The following CRACR2A variants were observed in gnomAD, a reference collection of about 807,000 sequenced individuals.
The protein encoded by CRACR2A is EF-hand calcium-binding domain-containing protein 4B.
Under a neutral mutation model 90.5 loss-of-function variants are expected in CRACR2A, and 79 were observed. The observed-to-expected ratio is 0.87, with a 90% CI of 0.73 to 1.05. CRACR2A has a LOEUF of 1.05. Among genes scored for constraint, CRACR2A ranks in the 50% least tolerant of loss-of-function variants. The probability of loss-of-function intolerance (pLI) is 0.00; values close to 1 mark genes in which losing one functional copy is unlikely to be tolerated. For missense variants in CRACR2A, 823 were observed against 897.2 expected (o/e 0.92, Z 1.06); for synonymous variants, 338 against 356.7 (o/e 0.95, Z 0.59).
chr12:3,645,668 T>C (rs1046539722), intron 11 of CRACR2A, among the ~76,000 whole-genome samples: 1 of 152,190 alleles, frequency 6.6e-6, no homozygotes, highest in African/African-American at 2.4e-5. Flanking sequence ...ATTGGCAACC[T>C]GGGTAAGAAC....
intron 2 of CRACR2A, among the ~76,000 whole-genome samples, chr12:3,723,466 G>C (rs565098141): frequency 6.6e-6 from 1 of 152,228 alleles, no homozygotes; most frequent in African/African-American, 2.4e-5. Context: ...TGGAAACTGT[G>C]TGTGTTTGCA....
At chr12:3,659,279 G>A (rs1944978081) in intron 8 of CRACR2A, among the ~76,000 whole-genome samples, 1 of 152,222 alleles carries the variant, frequency 6.6e-6, no homozygotes, top group African/African-American at 2.4e-5. Context: ...CACCTAGTAT[G>A]TTCCAGGCAT....
chr12:3,640,910 GT>G, intron 13 of CRACR2A: 1 of 1,022,252 alleles, frequency 9.8e-7, no homozygotes, highest in South Asian at 1.6e-5. Context: ...AATGTGTTAT[GT>G]TTGAGTTAAT....
intron 2 of CRACR2A, among the ~76,000 whole-genome samples, chr12:3,720,603 C>T (rs939664111): frequency 5.9e-5 from 9 of 152,216 alleles, no homozygotes; most frequent in Admixed American, 2.6e-4. Context: ...CATTCTCTCT[C>T]GTGTGCTCTG....
chr12:3,622,407 C>G (rs1018790841), intron 17 of CRACR2A, among the ~76,000 whole-genome samples: 16 of 152,228 alleles, frequency 1.1e-4, no homozygotes, highest in African/African-American at 3.9e-4. Context: ...GTTCCAAAGC[C>G]AGGTTCTGTT....
At chr12:3,715,586 A>G (rs1183308410) in intron 2 of CRACR2A, among the ~76,000 whole-genome samples, 1 of 152,242 alleles carries the variant, frequency 6.6e-6, no homozygotes, top group Non-Finnish European at 1.5e-5. Flanking sequence ...AAGTCCACAT[A>G]TGATTGTCAC....
chr12:3,733,970 C>CTTTTTTT lies in CRACR2A; in HGVS notation c.-386-761_-386-760insAAAAAAA, dbSNP rs1555121368. On this transcript the variant is annotated intron_variant, in intron 1 of 19. Transcript: ENST00000440314. ...TTTTCCTAGACTGGACACATTTTGC[C>CTTTTTTT]TTATTTTTTTTTTTTTTTGAGATGG... is the stretch of plus-strand genomic sequence containing the variant. Among the ~76,000 whole-genome samples the CTTTTTTT allele has an allele frequency of 9.0e-4, 50 of 55,602 alleles. 1 individual carries two copies. The highest frequency in any genetic ancestry group is 1.6e-3 in the Admixed American group (7 of 4,436). 36.5% of individuals were successfully genotyped at this position (55,602 alleles called of 152,430 possible).
intron 4 of CRACR2A, among the ~76,000 whole-genome samples, chr12:3,693,136 A>T (rs982606007): frequency 2.0e-5 from 3 of 152,206 alleles, no homozygotes; most frequent in African/African-American, 7.2e-5. Flanking sequence ...CTGCACACAC[A>T]TGCACCGGCA....
chr12:3,627,053 A>G (rs1253777571), intron 17 of CRACR2A, among the ~76,000 whole-genome samples: 1 of 152,116 alleles, frequency 6.6e-6, no homozygotes, highest in Non-Finnish European at 1.5e-5. Context: ...GGTGAGAATG[A>G]GGGAAGAATC....
chr12:3,708,720 C>T (rs909363967), intron 3 of CRACR2A, among the ~76,000 whole-genome samples: 4 of 152,210 alleles, frequency 2.6e-5, no homozygotes, highest in Non-Finnish European at 5.9e-5. Context: ...CCATCATGCC[C>T]GGCCAGCATT....
intron 3 of CRACR2A, among the ~76,000 whole-genome samples, chr12:3,705,848 A>G (rs757937622): frequency 6.6e-6 from 1 of 152,144 alleles, no homozygotes; most frequent in Non-Finnish European, 1.5e-5. Context: ...AGACACTACA[A>G]TATTTAACAA....
rs1591706103 is a variant in CRACR2A, at chr12:3,713,257, G to A, written c.-57C>T. ...CTCACCTTGCAGCTCCCGGCTCCTC[G>A]GAGGACCTGCAACTCTTCACACCTG... On this transcript the variant is annotated 5_prime_UTR_variant, in exon 3 of 20. The change creates a premature stop within an existing upstream ORF in the 5' untranslated region. Transcript: ENST00000440314. The A allele has an allele frequency of 1.6e-5, 16 of 985,262 alleles. No individual in the cohort carries two copies. The highest frequency in any genetic ancestry group is 5.2e-4 in the Middle Eastern group (1 of 1,916). The allele number at this position is 985,262 out of a possible 1,614,324, so 61.0% of individuals were successfully genotyped here. A position where few individuals can be genotyped will look rare whatever the true frequency, so the allele number is the denominator to read the frequency against.
chr12:3,621,524 C>G (rs866859052), intron 17 of CRACR2A, among the ~76,000 whole-genome samples: 5 of 149,426 alleles, frequency 3.3e-5, no homozygotes, highest in Non-Finnish European at 1.5e-5. Flanking sequence ...TGGTGGTGGG[C>G]ACCTGTAGTC....
chr12:3,669,424 T>G (rs75281385), intron 7 of CRACR2A, among the ~76,000 whole-genome samples: 2 of 152,204 alleles, frequency 1.3e-5, no homozygotes, highest in African/African-American at 2.4e-5. Context: ...CCTCCGCACA[T>G]CTGCACTGTG....
intron 10 of CRACR2A, 74 bp downstream of exon 10, chr12:3,654,138 G>A: frequency 6.5e-7 from 1 of 1,540,764 alleles, no homozygotes; most frequent in Admixed American, 2.1e-5. Flanking sequence ...GGGTCTCTGA[G>A]CGGCGAGGGG....
Position 3,711,759 on chromosome 12 carries a change from C to T in CRACR2A, c.-37+1478G>A, listed in dbSNP as rs1364214568. Reference sequence around the variant, plus strand: ...CTGTCTATTACCCATTCCACAGCCACATCCACATTTTTAGGTATTTATTAC... The same window carrying T: ...CTGTCTATTACCCATTCCACAGCCATATCCACATTTTTAGGTATTTATTAC... On this transcript the variant is annotated intron_variant, in intron 3 of 19. Coordinates refer to ENST00000440314, the MANE Select transcript of CRACR2A (RefSeq NM_001144958.2). This position sits in a 1 kb window ranked among gnomAD's most constrained non-coding sequence, Gnocchi z 4.3. 2.0e-5 allele frequency among the ~76,000 whole-genome samples: 3 copies of T among 152,320 alleles called. No homozygotes were observed. Among genetic ancestry groups the T allele is most frequent in the South Asian group, 4.1e-4 (2 of 4,834 alleles).
At chr12:3,709,738 C>T (rs567522484) in intron 3 of CRACR2A, among the ~76,000 whole-genome samples, 2 of 152,358 alleles carry the variant, frequency 1.3e-5, no homozygotes, top group African/African-American at 4.8e-5. Context: ...GACTGTGCCA[C>T]TGCACTCTGG....
chr12:3,656,465 T>C (rs1479495573), intron 8 of CRACR2A, 59 bp from the exon 9 acceptor site: 1 of 1,346,144 alleles, frequency 7.4e-7, no homozygotes, highest in Non-Finnish European at 1.0e-6. Flanking sequence ...GGGTTATAGA[T>C]TTTTTTTTTC....
At chr12:3,618,933 G>A (rs1292161264) in intron 18 of CRACR2A, among the ~76,000 whole-genome samples, 2 of 152,174 alleles carry the variant, frequency 1.3e-5, no homozygotes, top group Non-Finnish European at 2.9e-5. Context: ...ATCCCTGGGG[G>A]TGATCAAGTG....
Sources: allele counts gnomAD v4.1 joint callset (sites outside exome capture counted in the v4.1 genomes callset), GRCh38; gene constraint gnomAD v4.1.1; non-coding constraint Gnocchi (gnomAD v3.1); transcripts MANE v1.5; gene names NCBI Gene and HGNC (gene_info 2026-07-23, HGNC 2026-07-21).